Variants in NALF1 observed in about 807,000 individuals in gnomAD.
The protein encoded by NALF1 is family with sequence similarity 155 member A.
A neutral mutation model predicts 48.4 loss-of-function variants in NALF1; 3 were observed. That is an observed-to-expected ratio of 0.06 (90% CI 0.03 to 0.16). The LOEUF is 0.16. NALF1 is among the 10% of genes least tolerant of loss of function. The pLI, the probability that NALF1 is intolerant of heterozygous loss-of-function variation, is 1.00. For missense variants in NALF1, 526 were observed against 571.5 expected, an observed-to-expected ratio of 0.92 and a Z score of 0.81; for synonymous variants, 262 against 245.7, an observed-to-expected ratio of 1.07 and a Z score of -0.62.
At chr13:107,861,275 T>C (rs1880561456) in intron 1 of NALF1, among the ~76,000 whole-genome samples, 1 of 152,200 alleles carries the variant, frequency 6.6e-6, no homozygotes, top group African/African-American at 2.4e-5. Flanking sequence ...TAAGTAGTCA[T>C]CTGCATGGTC....
intron 1 of NALF1, among the ~76,000 whole-genome samples, chr13:107,408,958 T>C (rs999012669): frequency 7.9e-5 from 12 of 152,166 alleles, no homozygotes; most frequent in Admixed American, 6.6e-4. Flanking sequence ...CCAAGAAAAT[T>C]CTGTTTTCCT....
chr13:107,720,462 G>C (rs576722802), intron 1 of NALF1, among the ~76,000 whole-genome samples: 2 of 125,282 alleles, frequency 1.6e-5, no homozygotes, highest in Non-Finnish European at 3.1e-5. Flanking sequence ...AGTGAACCAA[G>C]ACTGCGCCCC....
intron 1 of NALF1, among the ~76,000 whole-genome samples, chr13:107,435,188 T>C (rs1884444303): frequency 6.6e-6 from 1 of 152,082 alleles, no homozygotes; most frequent in South Asian, 2.1e-4. Context: ...AAGAGTCCTA[T>C]CTGTATAGGA....
In NALF1 at chr13:107,280,257, T is replaced by C. The variant is rs182539080; in HGVS notation, c.916-69502A>G. 2.7e-3 allele frequency among the ~76,000 whole-genome samples: 410 copies of C among 152,322 alleles called. 1 individual carries two copies. The highest frequency in any genetic ancestry group is 3.4e-3 in the Non-Finnish European group (234 of 68,024). On this transcript the variant is annotated intron_variant, in intron 1 of 2. Coordinates refer to ENST00000375915, the MANE Select transcript of NALF1 (RefSeq NM_001080396.3). Reference sequence around the variant, plus strand: ...TCCATAGGGTCCAACTCAAATGCTTTCTTTCCACGAAAATAATTTCTGACT... The same window carrying C: ...TCCATAGGGTCCAACTCAAATGCTTCCTTTCCACGAAAATAATTTCTGACT...
Position 107,549,496 on chromosome 13 carries a change from T to C in NALF1, c.915+316186A>G, listed in dbSNP as rs982484226. Among the ~76,000 whole-genome samples, 6 of 152,202 alleles carry C rather than the reference T, an allele frequency of 3.9e-5. No homozygotes were observed. In the South Asian group the frequency reaches 8.3e-4, roughly 21 times the overall value. ...ACATACAAATTTCAGTCTTTAATTTTGAAGACATGTATCTTCCAGAAAAGT... is the reference window on the plus strand; with the variant it reads ...ACATACAAATTTCAGTCTTTAATTTCGAAGACATGTATCTTCCAGAAAAGT... On this transcript the variant is annotated intron_variant, in intron 1 of 2. Transcript: ENST00000375915.
chr13:107,808,615 T>A (rs1878882701), intron 1 of NALF1, among the ~76,000 whole-genome samples: 1 of 151,748 alleles, frequency 6.6e-6, no homozygotes, highest in Admixed American at 6.6e-5. Flanking sequence ...TTCTTATCTG[T>A]ATTTTCCTAT....
rs939944919 is a variant in NALF1, at chr13:107,464,528, A to AT, written c.916-253774dup. ...AAATGCAATACAAATTTTTTTTTTA[A>AT]TTTTTTTTTGAGACGGAGTTTCACT... On this transcript the variant is annotated intron_variant, in intron 1 of 2. Coordinates refer to ENST00000375915, the MANE Select transcript of NALF1 (RefSeq NM_001080396.3). 1.2e-3 allele frequency among the ~76,000 whole-genome samples: 181 copies of AT among 150,904 alleles called. 1 individual carries two copies. The highest frequency in any genetic ancestry group is 4.2e-3 in the African/African-American group (171 of 41,138).
intron 2 of NALF1, among the ~76,000 whole-genome samples, chr13:107,172,921 A>T (rs1222244071): frequency 6.6e-6 from 1 of 152,214 alleles, no homozygotes; most frequent in East Asian, 1.9e-4. Flanking sequence ...ATTCAGGCCA[A>T]TAAATGAACC....
intron 1 of NALF1, among the ~76,000 whole-genome samples, chr13:107,679,331 A>G (rs7317869): frequency 0.014 from 2,152 of 152,308 alleles, 46 homozygotes; most frequent in African/African-American, 0.048. Flanking sequence ...GATAGGATAC[A>G]AAGTGTTTTT....
chr13:107,745,305 A>AG (rs1262542612), intron 1 of NALF1, among the ~76,000 whole-genome samples: 1 of 152,210 alleles, frequency 6.6e-6, no homozygotes, highest in African/African-American at 2.4e-5. Context: ...AGAACCAAGA[A>AG]GGGGGACTGG....
chr13:107,269,581 A>G (rs1314769553), intron 1 of NALF1, among the ~76,000 whole-genome samples: 1 of 152,168 alleles, frequency 6.6e-6, no homozygotes, highest in Non-Finnish European at 1.5e-5. Flanking sequence ...CATGGTTTAT[A>G]GAGTCATATT....
At chr13:107,553,794 C>G (rs762607763) in intron 1 of NALF1, among the ~76,000 whole-genome samples, 1 of 152,220 alleles carries the variant, frequency 6.6e-6, no homozygotes, top group Non-Finnish European at 1.5e-5. Flanking sequence ...ATCCAAGACG[C>G]GAGTATCTCA....
intron 1 of NALF1, among the ~76,000 whole-genome samples, chr13:107,404,677 T>C (rs1883869345): frequency 1.3e-5 from 2 of 152,112 alleles, no homozygotes; most frequent in African/African-American, 4.8e-5. Flanking sequence ...TATACTTCAG[T>C]AGGAATTATA....
chr13:107,186,594 C>G (rs905167726), intron 2 of NALF1, among the ~76,000 whole-genome samples: 1 of 152,152 alleles, frequency 6.6e-6, no homozygotes, highest in Non-Finnish European at 1.5e-5. Flanking sequence ...TCTCGATCTC[C>G]TGACCTTGTG....
intron 1 of NALF1, among the ~76,000 whole-genome samples, chr13:107,241,322 G>A (rs1166351590): frequency 4.6e-5 from 7 of 152,128 alleles, no homozygotes; most frequent in Middle Eastern, 3.2e-3. Context: ...GAAAGGGGCC[G>A]TGGATGTCCT....
intron 1 of NALF1, among the ~76,000 whole-genome samples, chr13:107,829,057 T>C (rs2138625066): frequency 6.6e-6 from 1 of 152,324 alleles, no homozygotes; most frequent in African/African-American, 2.4e-5. Context: ...ACATGCCCCC[T>C]CTTCTCTGCA....
chr13:107,860,081 T>C (rs1436051060), intron 1 of NALF1, among the ~76,000 whole-genome samples: 1 of 152,138 alleles, frequency 6.6e-6, no homozygotes, highest in Non-Finnish European at 1.5e-5. Context: ...ATGACTGATA[T>C]TACAACCTTG....
intron 1 of NALF1, among the ~76,000 whole-genome samples, chr13:107,239,608 A>G (rs1417397430): frequency 6.6e-6 from 1 of 152,230 alleles, no homozygotes; most frequent in Non-Finnish European, 1.5e-5. Flanking sequence ...ACAAGTATCA[A>G]AATTTTAGTT....
chr13:107,401,912 T>A (rs531260850), intron 1 of NALF1, among the ~76,000 whole-genome samples: 1 of 152,310 alleles, frequency 6.6e-6, no homozygotes, highest in South Asian at 2.1e-4. Context: ...TATTGTAGCA[T>A]CATGCTGAAC....
Sources: allele counts gnomAD v4.1 joint callset (sites outside exome capture counted in the v4.1 genomes callset), GRCh38; gene constraint gnomAD v4.1.1; transcripts MANE v1.5; gene names NCBI Gene and HGNC (gene_info 2026-07-23, HGNC 2026-07-21).